BAHCC1: variants seen among roughly 807,000 people sequenced by gnomAD.
BAHCC1 encodes BAH and coiled-coil domain-containing protein 1.
A neutral mutation model predicts 88.2 loss-of-function variants in BAHCC1; 43 were observed. The ratio of observed to expected loss-of-function variants is 0.49; its 90% CI spans 0.38 to 0.63. The LOEUF (loss-of-function observed/expected upper bound fraction) is 0.63, where lower values mean the gene tolerates loss of function less well. BAHCC1 is among the 20% of genes least tolerant of loss of function. The probability of loss-of-function intolerance (pLI) is 0.00; values close to 1 mark genes in which losing one functional copy is unlikely to be tolerated. For synonymous variants in BAHCC1, 1,510 were observed against 745.5 expected (o/e 2.03, Z -16.71); for missense variants, 3,023 against 1,654.8 (o/e 1.83, Z -14.34).
At position 81,442,199 on chromosome 17, in the gene BAHCC1, C is replaced by T. The variant is rs1161528386; in HGVS notation, c.850C>T (p.Leu284Phe). Residue 284 changes from leucine to phenylalanine, a missense_variant, in exon 5 of 28, where the codon CTC becomes TTC. By Grantham distance (22) the Leu-to-Phe change is conservative. Coordinates refer to ENST00000675386, the MANE Select transcript of BAHCC1 (RefSeq NM_001377448.1). ...CCGCCCCAAGCACCTCACCTCCTGC[C>T]TCCTCAACACCAAGGTGCTCAACGG... ...EGRPKHLTSCLLNTKVLNGEM... is the reference protein window; with the variant it reads ...EGRPKHLTSCFLNTKVLNGEM... 9.1e-6 allele frequency: 6 copies of T among 658,382 alleles called. No homozygotes were observed. Among genetic ancestry groups the T allele is most frequent in the Non-Finnish European group, 1.6e-5 (6 of 363,976 alleles). The allele number at this position is 658,382 out of a possible 1,614,324, so 40.8% of individuals were successfully genotyped here.
intron 7 of BAHCC1, 42 bp downstream of exon 7, chr17:81,444,610 G>A (rs1282722992): frequency 2.8e-5 from 21 of 751,134 alleles, no homozygotes; most frequent in Non-Finnish European, 4.9e-5. Flanking sequence ...GGCTGATGAG[G>A]GTTCCCTCCT....
In BAHCC1 at chr17:81,399,947, C is replaced by T. The variant is rs782413387; in HGVS notation, c.178+30C>T. On this transcript the variant is annotated intron_variant, in intron 2 of 27. Coordinates refer to ENST00000675386, the MANE Select transcript of BAHCC1 (RefSeq NM_001377448.1). This position sits in a 1 kb window ranked among gnomAD's most constrained non-coding sequence, Gnocchi z 4.5. ...GTGCTCGGCCGGGGCGGGCGCGGGA[C>T]GGGAGCGTTCGAGAGCGGAACAGGG... The T allele has an allele frequency of 9.9e-6, 13 of 1,309,196 alleles. No individual in the cohort carries two copies. The African/African-American group carries it at 1.1e-4, about 11-fold the overall frequency. 81.1% of individuals were successfully genotyped at this position (1,309,196 alleles called of 1,614,324 possible).
chr17:81,441,384 C>G (rs1049895460), intron 4 of BAHCC1, among the ~76,000 whole-genome samples: 8 of 152,180 alleles, frequency 5.3e-5, no homozygotes, highest in Non-Finnish European at 7.3e-5. Flanking sequence ...AAAAACCAGC[C>G]CGGCGCTGTG....
At chr17:81,412,970 C>CGGTGCG in intron 2 of BAHCC1, 1 of 278,040 alleles carries the variant, frequency 3.6e-6, no homozygotes, top group Non-Finnish European at 7.5e-6. Context: ...GACGGAAGCT[C>CGGTGCG]GGTGCGGGTG....
Position 81,455,247 on chromosome 17 carries a change from C to G in BAHCC1, c.4446-20C>G, listed in dbSNP as rs1555656946. 1.4e-6 allele frequency: 1 copy of G among 712,382 alleles called. No individual in the cohort carries two copies. Among genetic ancestry groups the G allele is most frequent in the East Asian group, 2.7e-5 (1 of 37,252 alleles). The allele number at this position is 712,382 out of a possible 1,614,324, so 44.1% of individuals were successfully genotyped here. A position where few individuals can be genotyped will look rare whatever the true frequency, so the allele number is the denominator to read the frequency against. On this transcript the variant is annotated intron_variant, in intron 14 of 27. Transcript: ENST00000675386. ...GGCCGGGCCTGCATCTGCCCTGCAC[C>G]CACCACCCCATGCCCCCAGGGCGGT...
chr17:81,449,748 G>C (rs1555655369), intron 11 of BAHCC1, among the ~76,000 whole-genome samples: 1 of 151,538 alleles, frequency 6.6e-6, no homozygotes, highest in Admixed American at 6.6e-5. Context: ...TGTTCCCTTG[G>C]TCCCCATCAG....
chr17:81,454,467 C>T (rs1292039720), intron 14 of BAHCC1, among the ~76,000 whole-genome samples: 1 of 152,166 alleles, frequency 6.6e-6, no homozygotes, highest in Non-Finnish European at 1.5e-5. Context: ...AGAATGGGCT[C>T]CTGAGAGGGC....
At chr17:81,459,367 C>A in intron 22 of BAHCC1, 39 bp downstream of exon 22, 2 of 768,024 alleles carry the variant, frequency 2.6e-6, no homozygotes, top group Non-Finnish European at 4.8e-6. Context: ...AGGGGCCTGG[C>A]TGGCTTGTCC....
chr17:81,398,691 G>T (rs993313822), intron 1 of BAHCC1, among the ~76,000 whole-genome samples: 8 of 152,230 alleles, frequency 5.3e-5, no homozygotes, highest in Non-Finnish European at 1.2e-4. Flanking sequence ...GATTGTTACA[G>T]CCTCAACAGG....
intron 2 of BAHCC1, chr17:81,415,669 C>T (rs574447586): frequency 1.7e-4 from 71 of 428,622 alleles, no homozygotes; most frequent in South Asian, 1.1e-3. Flanking sequence ...GCAGGAGTGA[C>T]CTGAGTCCCC....
At chr17:81,418,981 A>G (rs1191103542) in intron 2 of BAHCC1, among the ~76,000 whole-genome samples, 4 of 151,998 alleles carry the variant, frequency 2.6e-5, no homozygotes, top group African/African-American at 7.3e-5. Context: ...AGTGTGTGCA[A>G]GTGTGAGTGT....
Position 81,442,714 on chromosome 17 carries a change from G to A in BAHCC1, c.1365G>A (p.Gly455=), listed in dbSNP as rs1007906262. 3.9e-6 allele frequency: 3 copies of A among 775,634 alleles called. No individual in the cohort carries two copies. Among genetic ancestry groups the A allele is most frequent in the East Asian group, 2.4e-5 (1 of 41,062 alleles). The allele number at this position is 775,634 out of a possible 1,614,324, so 48.0% of individuals were successfully genotyped here. ...KAEGKGERRP[G]GFEAALNPRL... ...AGGGCAAGGGCGAGCGGCGGCCTGG[G>A]GGCTTTGAGGCGGCCCTCAACCCCC... Residue 455 remains glycine (G), a synonymous_variant, in exon 5 of 28, where the codon GGG becomes GGA. Coordinates refer to ENST00000675386, the MANE Select transcript of BAHCC1 (RefSeq NM_001377448.1).
In BAHCC1 at chr17:81,447,758, C is replaced by T. The variant is rs1555654989; in HGVS notation, c.3886C>T (p.Pro1296Ser). The T allele has an allele frequency of 2.7e-6, 2 of 743,588 alleles. No individual in the cohort carries two copies. Among genetic ancestry groups the T allele is most frequent in the Non-Finnish European group, 5.0e-6 (2 of 400,008 alleles). 46.1% of individuals were successfully genotyped at this position (743,588 alleles called of 1,614,324 possible). Residue 1296 changes from proline to serine, a missense_variant, in exon 11 of 28, where the codon CCT (proline) becomes TCT (serine). Physicochemically the swap from Pro to Ser is moderately conservative, Grantham distance 74. Transcript: ENST00000675386. ...ASGPPSTVPL[P>S]HSSGIHGIAL... Reference sequence around the variant, plus strand: ...TGGGCCCCCCAGCACAGTCCCCCTGCCTCATAGCTCAGGGATTCATGGGAT... The same window carrying T: ...TGGGCCCCCCAGCACAGTCCCCCTGTCTCATAGCTCAGGGATTCATGGGAT...
chr17:81,423,351 C>T (rs781800561), intron 2 of BAHCC1, among the ~76,000 whole-genome samples: 4 of 152,190 alleles, frequency 2.6e-5, no homozygotes, highest in Admixed American at 6.5e-5. Context: ...CAGCCCCCGC[C>T]GCCCCCCTTG....
Position 81,410,585 on chromosome 17 carries a change from G to A in BAHCC1, c.178+10668G>A, listed in dbSNP as rs548188290. Among the ~76,000 whole-genome samples the A allele has an allele frequency of 1.6e-4, 24 of 152,252 alleles. 1 individual carries two copies. Among genetic ancestry groups the A allele is most frequent in the Admixed American group, 9.8e-4 (15 of 15,290 alleles). ...ATGTGGACCTGCTCTGAGGCACCAC[G>A]GGTCGAGGCACCACGGGTCCTGGCA... is the stretch of plus-strand genomic sequence containing the variant. On this transcript the variant is annotated intron_variant, in intron 2 of 27. Transcript: ENST00000675386.
chr17:81,428,053 TAAG>T (rs2064220956), intron 3 of BAHCC1, among the ~76,000 whole-genome samples: 1 of 152,176 alleles, frequency 6.6e-6, no homozygotes, highest in Non-Finnish European at 1.5e-5. Context: ...GGGCAGGCGA[TAAG>T]GAGTGGCCTC....
intron 2 of BAHCC1, chr17:81,407,232 G>A (rs1315285310): frequency 1.3e-5 from 6 of 454,730 alleles, no homozygotes; most frequent in Admixed American, 2.4e-5. Flanking sequence ...TTCCAATAGG[G>A]TCCTCTGAGC....
chr17:81,435,878 C>T lies in BAHCC1; in HGVS notation c.359-2492C>T, dbSNP rs540881107. On this transcript the variant is annotated intron_variant, in intron 3 of 27. Transcript: ENST00000675386. The surrounding 1 kb of genome is among the most constrained non-coding windows in gnomAD (Gnocchi z 4.4). ...CCCGGCCCAGCCACAGCAGCCCTGC[C>T]TTCTGGCTTCTGGCCTCAGAACAGC... Among the ~76,000 whole-genome samples the T allele has an allele frequency of 3.3e-5, 5 of 152,348 alleles. No homozygotes were observed. The East Asian group carries it at 9.6e-4, about 29-fold the overall frequency.
At position 81,410,068 on chromosome 17, in the gene BAHCC1, G is replaced by T. The variant is rs563290268; in HGVS notation, c.178+10151G>T. The stretch of plus-strand genomic sequence containing the variant: ...AGGCCTCCTACCTCTAAAATGGGCA[G>T]TTGCCCTGCCCTGCTGGAGGGTTGA... On this transcript the variant is annotated intron_variant, in intron 2 of 27. Transcript: ENST00000675386. 62 of 374,548 alleles carry T rather than the reference G, an allele frequency of 1.7e-4. 1 individual carries two copies. The highest frequency in any genetic ancestry group is 1.1e-3 in the South Asian group (61 of 54,260). 23.2% of individuals were successfully genotyped at this position (374,548 alleles called of 1,614,324 possible).
Sources: gnomAD v4.1 joint callset for allele counts (sites outside exome capture counted in the v4.1 genomes callset) on GRCh38, gnomAD v4.1.1 for gene constraint, Gnocchi (gnomAD v3.1) non-coding constraint, MANE v1.5 for transcripts, NCBI Gene and HGNC (gene_info 2026-07-23, HGNC 2026-07-21) for gene names.